The following ITPKB variants were observed in gnomAD, a reference collection of about 807,000 sequenced individuals.
ITPKB encodes IP3 3-kinase B.
In ITPKB, 13 loss-of-function variants were observed where a neutral mutation model predicts 69.4. The observed-to-expected ratio is 0.19, with a 90% CI of 0.12 to 0.30. The LOEUF (loss-of-function observed/expected upper bound fraction) is 0.30, where lower values mean the gene tolerates loss of function less well. ITPKB is among the 10% of genes least tolerant of loss of function. The probability of loss-of-function intolerance (pLI) is 1.00; values close to 1 mark genes in which losing one functional copy is unlikely to be tolerated. For missense variants in ITPKB, 1,240 were observed against 1,250.5 expected (o/e 0.99, Z 0.13); for synonymous variants, 584 against 513.7 (o/e 1.14, Z -1.85).
chr1:226,675,025 T>C (rs1181892148), intron 2 of ITPKB: 1 of 149,472 alleles, frequency 6.7e-6, no homozygotes, highest in Non-Finnish European at 1.5e-5. Flanking sequence ...GACCTCTGTG[T>C]GGGTTTTCTG....
intron 2 of ITPKB, among the ~76,000 whole-genome samples, chr1:226,686,758 C>A (rs1656224799): frequency 6.6e-6 from 1 of 152,220 alleles, no homozygotes; most frequent in Non-Finnish European, 1.5e-5. Flanking sequence ...AAGGACATCC[C>A]AAAGGGTTTA....
intron 2 of ITPKB, chr1:226,676,232 C>T (rs1469449273): frequency 3.3e-5 from 5 of 152,180 alleles, no homozygotes; most frequent in African/African-American, 7.2e-5. Context: ...GGTGCAAAAA[C>T]AGGGTTGGTT....
At chr1:226,715,723 TTTTC>T (rs1467074244) in intron 2 of ITPKB, among the ~76,000 whole-genome samples, 4 of 152,212 alleles carry the variant, frequency 2.6e-5, no homozygotes, top group African/African-American at 7.2e-5. Context: ...GTATTACAAG[TTTTC>T]TTTCTTTATT....
Position 226,634,632 on chromosome 1 carries a change from A to G in ITPKB, c.*39T>C, listed in dbSNP as rs764649139. ...CGAGAAAGGAAGCACAGGAGGAGGA[A>G]AGGAGGCCCAGGCGGGGGCCAGGGA... On this transcript the variant is annotated 3_prime_UTR_variant, in exon 8 of 8. Transcript: ENST00000429204. The surrounding 1 kb of genome is among the most constrained non-coding windows in gnomAD (Gnocchi z 6.3). 11 of 757,512 alleles carry G rather than the reference A, an allele frequency of 1.5e-5. No homozygotes were observed. Among genetic ancestry groups the G allele is most frequent in the Non-Finnish European group, 2.5e-5 (10 of 403,544 alleles). The allele number at this position is 757,512 out of a possible 1,614,324, so 46.9% of individuals were successfully genotyped here.
chr1:226,734,747 C>A (rs1379731129), intron 2 of ITPKB, among the ~76,000 whole-genome samples: 1 of 152,166 alleles, frequency 6.6e-6, no homozygotes, highest in Non-Finnish European at 1.5e-5. Flanking sequence ...GTGTGATGAC[C>A]CAAACCAGAG....
chr1:226,646,599 A>T (rs1363953477), intron 4 of ITPKB, among the ~76,000 whole-genome samples: 1 of 152,116 alleles, frequency 6.6e-6, no homozygotes, highest in Non-Finnish European at 1.5e-5. Flanking sequence ...CTCCGGGCTC[A>T]CCTGGGGCCC....
At chr1:226,713,576 G>A (rs1386638375) in intron 2 of ITPKB, among the ~76,000 whole-genome samples, 1 of 152,156 alleles carries the variant, frequency 6.6e-6, no homozygotes, top group Non-Finnish European at 1.5e-5. Context: ...TTCTAACAAG[G>A]AGAATGCTCC....
At chr1:226,643,258 C>T (rs1335912116) in intron 4 of ITPKB, among the ~76,000 whole-genome samples, 2 of 152,170 alleles carry the variant, frequency 1.3e-5, no homozygotes, top group African/African-American at 4.8e-5. Context: ...CCACCTCCCC[C>T]AGCACACAGC....
intron 2 of ITPKB, among the ~76,000 whole-genome samples, chr1:226,701,535 C>T (rs996292448): frequency 3.2e-5 from 4 of 124,780 alleles, no homozygotes; most frequent in Middle Eastern, 4.7e-3. Flanking sequence ...ACCCAAGAGG[C>T]GGAGCTTGCA....
At chr1:226,670,032 G>C (rs1669583336) in intron 2 of ITPKB, among the ~76,000 whole-genome samples, 2 of 151,436 alleles carry the variant, frequency 1.3e-5, no homozygotes, top group Non-Finnish European at 2.9e-5. Context: ...ACGCCACCAT[G>C]CCTGGCTAAT....
chr1:226,715,924 C>T (rs1558094322), intron 2 of ITPKB, among the ~76,000 whole-genome samples: 2 of 152,210 alleles, frequency 1.3e-5, no homozygotes. Context: ...GATTCTCTTG[C>T]CTTAGCCTCC....
intron 2 of ITPKB, among the ~76,000 whole-genome samples, chr1:226,659,826 G>A (rs1669366887): frequency 6.6e-6 from 1 of 152,098 alleles, no homozygotes; most frequent in African/African-American, 2.4e-5. Context: ...GGGAACTGGG[G>A]ATCTGTCCTA....
At chr1:226,728,507 C>A (rs1220230709) in intron 2 of ITPKB, among the ~76,000 whole-genome samples, 1 of 152,210 alleles carries the variant, frequency 6.6e-6, no homozygotes, top group Non-Finnish European at 1.5e-5. Flanking sequence ...AAGTAAGAAA[C>A]ATCAGAGTGG....
At chr1:226,723,325 C>T (rs1657300550) in intron 2 of ITPKB, among the ~76,000 whole-genome samples, 1 of 152,072 alleles carries the variant, frequency 6.6e-6, no homozygotes, top group Admixed American at 6.6e-5. Flanking sequence ...CTTCAGAGAC[C>T]CCAGAGCCAC....
At chr1:226,670,565 A>C (rs924828686) in intron 2 of ITPKB, among the ~76,000 whole-genome samples, 2 of 152,242 alleles carry the variant, frequency 1.3e-5, no homozygotes, top group Non-Finnish European at 2.9e-5. Flanking sequence ...GTTAAGAAAG[A>C]AACGTGGAAA....
At position 226,737,438 on chromosome 1, in the gene ITPKB, C is replaced by A; in HGVS notation, c.21G>T (p.Ala7=). Residue 7 remains alanine (A), a synonymous_variant, in exon 2 of 8, where the codon GCG becomes GCT. Coordinates refer to ENST00000429204, the MANE Select transcript of ITPKB (RefSeq NM_002221.4). ...TATTCATGATCACCAGGCTATTGAG[C>A]GCATAGCAGTACACAGCCATAGTAC... MAVYCY[A]LNSLVIMNSA... 6.2e-7 allele frequency: 1 copy of A among 1,611,182 alleles called. No homozygotes were observed. Among genetic ancestry groups the A allele is most frequent in the Non-Finnish European group, 8.5e-7 (1 of 1,179,538 alleles).
chr1:226,681,387 G>C (rs1376906607), intron 2 of ITPKB, among the ~76,000 whole-genome samples: 4 of 152,178 alleles, frequency 2.6e-5, no homozygotes, highest in African/African-American at 9.7e-5. Flanking sequence ...AATATGTGTT[G>C]AGTGTGTTCT....
At chr1:226,653,408 GC>G (rs1336854159) in intron 2 of ITPKB, among the ~76,000 whole-genome samples, 1 of 152,334 alleles carries the variant, frequency 6.6e-6, no homozygotes, top group East Asian at 1.9e-4. Flanking sequence ...CCCCTGGACA[GC>G]CAGGGTGCCA....
At chr1:226,677,813 C>T (rs4653461) in intron 2 of ITPKB, among the ~76,000 whole-genome samples, 7,514 of 152,278 alleles carry the variant, frequency 0.049, 462 homozygotes, top group African/African-American at 0.13. Context: ...ACAGGGCGTT[C>T]GCCTCCTGTT....
Sources: allele counts gnomAD v4.1 joint callset (sites outside exome capture counted in the v4.1 genomes callset), GRCh38; gene constraint gnomAD v4.1.1; non-coding constraint Gnocchi (gnomAD v3.1); transcripts MANE v1.5; gene names NCBI Gene and HGNC (gene_info 2026-07-23, HGNC 2026-07-21).